TOX: variants seen among roughly 807,000 people sequenced by gnomAD.
The protein encoded by TOX is thymocyte selection associated high mobility group box.
A neutral mutation model predicts 53.7 loss-of-function variants in TOX; 11 were observed. That is an observed-to-expected ratio of 0.20 (90% confidence interval 0.13 to 0.34). The LOEUF is 0.34. Ranked by LOEUF, TOX falls within the 10% of genes least tolerant of loss-of-function variation. The pLI is 1.00. For synonymous variants in TOX, 225 were observed against 245.3 expected, an observed-to-expected ratio of 0.92 and a Z score of 0.77; for missense variants, 570 against 664.6, an observed-to-expected ratio of 0.86 and a Z score of 1.56.
chr8:58,900,805 A>G (rs1053660809), intron 3 of TOX, among the ~76,000 whole-genome samples: 15 of 152,128 alleles, frequency 9.9e-5, no homozygotes, highest in African/African-American at 3.6e-4. Flanking sequence ...TGTTTAGAAG[A>G]ATAAAATTAA....
intron 1 of TOX, among the ~76,000 whole-genome samples, chr8:58,989,042 C>T (rs777200393): frequency 1.3e-5 from 2 of 152,142 alleles, no homozygotes; most frequent in Admixed American, 6.5e-5. Context: ...AGGCTGGGTG[C>T]GGTGGCTCAT....
chr8:58,922,343 C>T (rs931405460), intron 3 of TOX, among the ~76,000 whole-genome samples: 5 of 152,164 alleles, frequency 3.3e-5, no homozygotes, highest in Non-Finnish European at 7.3e-5. Context: ...AATATTTGCA[C>T]AGTTAGTGTT....
intron 6 of TOX, 47 bp from the exon 7 acceptor site, chr8:58,815,771 G>A: frequency 6.5e-7 from 1 of 1,549,838 alleles, no homozygotes; most frequent in Non-Finnish European, 8.7e-7. Flanking sequence ...ATACATGAGT[G>A]TTGATTCAAG....
At chr8:58,838,607 A>C (rs1810589409) in intron 4 of TOX, among the ~76,000 whole-genome samples, 1 of 151,838 alleles carries the variant, frequency 6.6e-6, no homozygotes, top group South Asian at 2.1e-4. Context: ...TTTTTCTCTT[A>C]CACTGTAACT....
chr8:59,092,276 T>TATATTATATATAC, intron 1 of TOX, among the ~76,000 whole-genome samples: 2 of 92,704 alleles, frequency 2.2e-5, no homozygotes, highest in Non-Finnish European at 3.5e-5. Context: ...TATATATATA[T>TATATTATATATAC]ATATATTATA....
intron 1 of TOX, among the ~76,000 whole-genome samples, chr8:59,006,548 T>C (rs1813795056): frequency 6.6e-6 from 1 of 152,204 alleles, no homozygotes; most frequent in Non-Finnish European, 1.5e-5. Flanking sequence ...GGTCAAGGAC[T>C]ACTGGATCAC....
In TOX at chr8:58,914,010, C is replaced by G. The variant is rs112898379; in HGVS notation, c.411+25292G>C. 6.3e-3 allele frequency among the ~76,000 whole-genome samples: 961 copies of G among 152,272 alleles called. 13 individuals carry two copies. Among genetic ancestry groups the G allele is most frequent in the African/African-American group, 0.022 (921 of 41,536 alleles). On this transcript the variant is annotated intron_variant, in intron 3 of 8. Transcript: ENST00000361421. ...GAGAGAATTGCAGTGGCAGGAGGTC[C>G]ACCTGGCATCATTTGGCAGTTGACT... is the stretch of plus-strand genomic sequence containing the variant.
At chr8:59,057,093 T>C (rs1803901278) in intron 1 of TOX, among the ~76,000 whole-genome samples, 1 of 152,176 alleles carries the variant, frequency 6.6e-6, no homozygotes, top group Admixed American at 6.5e-5. Context: ...AAGCCACCAC[T>C]GAACAATCCA....
intron 1 of TOX, among the ~76,000 whole-genome samples, chr8:59,003,901 G>A (rs1347075071): frequency 6.6e-6 from 1 of 152,116 alleles, no homozygotes; most frequent in Non-Finnish European, 1.5e-5. Flanking sequence ...ACAAAATAAT[G>A]ATCAACAGTA....
At chr8:58,957,441 A>G (rs1376960746) in intron 2 of TOX, among the ~76,000 whole-genome samples, 2 of 152,222 alleles carry the variant, frequency 1.3e-5, no homozygotes, top group African/African-American at 4.8e-5. Flanking sequence ...AAAAATTTTA[A>G]GGATTTGTAT....
chr8:58,879,506 A>C (rs1244840358), intron 3 of TOX, among the ~76,000 whole-genome samples: 1 of 144,508 alleles, frequency 6.9e-6, no homozygotes, highest in Non-Finnish European at 1.5e-5. Context: ...TGACTTGGAG[A>C]TTGTGAAGTA....
intron 1 of TOX, among the ~76,000 whole-genome samples, chr8:58,998,528 T>TAA (rs1201710845): frequency 2.0e-5 from 1 of 50,762 alleles, no homozygotes; most frequent in Non-Finnish European, 3.9e-5. Flanking sequence ...TATATATATA[T>TAA]ATATATATAT....
chr8:59,089,998 G>A (rs892921501), intron 1 of TOX, among the ~76,000 whole-genome samples: 11 of 152,078 alleles, frequency 7.2e-5, no homozygotes, highest in Admixed American at 6.5e-5. Context: ...GATTCAGAAC[G>A]TTGGCCACTG....
rs529639393 is a variant in TOX at position 58,939,540 on chromosome 8, T to C, written c.173A>G (p.Tyr58Cys). Reference sequence around the variant, plus strand: ...TTCACTTTCCAGGCTTGGACCAGGGTAGGACTGTGAAAAGACAAAAGTGAC... The same window carrying C: ...TTCACTTTCCAGGCTTGGACCAGGGCAGGACTGTGAAAAGACAAAAGTGAC... ...SQDYVPASQS[Y>C]PGPSLESEDF... The change falls in exon 3 of 9, where the codon TAC becomes TGC. Residue 58 changes from tyrosine (Y) to cysteine (C), a missense_variant. Tyr to Cys is a radical substitution (Grantham distance 194). Around this residue, in one of 3 missense-constraint regions of TOX, gnomAD observed 282 missense variants for 315.0 expected, o/e 0.90. Transcript: ENST00000361421. The C allele has an allele frequency of 8.7e-6, 14 of 1,606,174 alleles. No homozygotes were observed. Among genetic ancestry groups the C allele is most frequent in the Non-Finnish European group, 1.2e-5 (14 of 1,175,112 alleles).
chr8:58,939,165 A>G, intron 3 of TOX, 137 bp downstream of exon 3: 1 of 1,158,736 alleles, frequency 8.6e-7, no homozygotes, highest in Non-Finnish European at 1.2e-6. Context: ...AATGTGTATG[A>G]TTTATAAATA....
chr8:58,835,578 A>T (rs826724), intron 5 of TOX, among the ~76,000 whole-genome samples: 135,175 of 152,274 alleles, frequency 0.89, 60,101 homozygotes, highest in African/African-American at 0.95. Context: ...AGAAATCTGC[A>T]GCCTGATATT....
intron 1 of TOX, among the ~76,000 whole-genome samples, chr8:59,065,936 G>A (rs1804082150): frequency 6.6e-6 from 1 of 152,132 alleles, no homozygotes; most frequent in Admixed American, 6.5e-5. Flanking sequence ...GATTTACCAT[G>A]ACGGTTTGAT....
chr8:58,925,929 C>A (rs1398776123), intron 3 of TOX, among the ~76,000 whole-genome samples: 1 of 152,210 alleles, frequency 6.6e-6, no homozygotes, highest in Non-Finnish European at 1.5e-5. Flanking sequence ...GTGCCCCTTC[C>A]CCTTTGCAGT....
intron 1 of TOX, among the ~76,000 whole-genome samples, chr8:59,016,931 G>T (rs951986451): frequency 6.6e-6 from 1 of 152,194 alleles, no homozygotes; most frequent in African/African-American, 2.4e-5. Flanking sequence ...TTCTGGGTCA[G>T]CCTCCCAATC....
Sources: allele counts gnomAD v4.1 joint callset (sites outside exome capture counted in the v4.1 genomes callset), GRCh38; gene constraint gnomAD v4.1.1; regional missense constraint gnomAD v4.1.1; transcripts MANE v1.5; gene names NCBI Gene and HGNC (gene_info 2026-07-23, HGNC 2026-07-21).